CDKL3: variants seen among roughly 807,000 people sequenced by gnomAD.
The protein encoded by CDKL3 is cyclin-dependent kinase-like 3.
CDKL3 carries 65 observed loss-of-function variants against 69.3 expected under a neutral mutation model. The ratio of observed to expected loss-of-function variants is 0.94; its 90% confidence interval spans 0.77 to 1.15. CDKL3 has a LOEUF of 1.15. Among genes scored for constraint, CDKL3 ranks in the 50% most tolerant of loss-of-function variants. The pLI, the probability that CDKL3 is intolerant of heterozygous loss-of-function variation, is 0.00. For missense variants in CDKL3, 652 were observed against 689.2 expected (o/e 0.95, Z 0.61); for synonymous variants, 202 against 221.6 (o/e 0.91, Z 0.79).
rs201828047 is a variant in CDKL3 at position 134,336,228 on chromosome 5, C to CT, written c.539+14020dup. Among the ~76,000 whole-genome samples the CT allele has an allele frequency of 9.7e-3, 1,477 of 152,162 alleles. 13 individuals are homozygous for CT. Among genetic ancestry groups the CT allele is most frequent in the African/African-American group, 0.032 (1,313 of 41,494 alleles). On this transcript the variant is annotated intron_variant, in intron 4 of 12. Coordinates refer to ENST00000265334, the MANE Select transcript of CDKL3 (RefSeq NM_001113575.2). ...TATTCTAGTTAGCCATTCGTCTAAC[C>CT]TTTTTTCAAGGTTTTTAGCTTCCTG... is the stretch of plus-strand genomic sequence containing the variant.
chr5:134,362,159 A>C (rs989382564), intron 2 of CDKL3, among the ~76,000 whole-genome samples: 5 of 152,212 alleles, frequency 3.3e-5, no homozygotes, highest in Non-Finnish European at 7.3e-5. Context: ...CCATTACTAG[A>C]CAACTTTTCT....
chr5:134,369,736 A>C (rs1758147923), upstream of CDKL3, among the ~76,000 whole-genome samples: 1 of 152,006 alleles, frequency 6.6e-6, no homozygotes, highest in African/African-American at 2.4e-5. Flanking sequence ...ATGCCTGGCT[A>C]ATTTTACTTT....
At chr5:134,307,948 T>TA (rs1768328287) in intron 9 of CDKL3, 190 bp downstream of exon 9, 1 of 805,690 alleles carries the variant, frequency 1.2e-6, no homozygotes, top group African/African-American at 1.8e-5. Context: ...AACATCTATA[T>TA]GGCCAAGAAA....
rs376532976 is a variant in CDKL3 at position 134,304,549 on chromosome 5, T to C, written c.1477A>G (p.Ile493Val). The C allele has an allele frequency of 1.2e-6, 2 of 1,607,650 alleles. No homozygotes were observed. Among genetic ancestry groups the C allele is most frequent in the Non-Finnish European group, 8.5e-7 (1 of 1,177,610 alleles). ...CTGTGACCTGTTCGCTCATTAAATA[T>C]ACCCTTCTCCATTTGGCTCTAAACA... The part of the protein sequence containing the change: ...GPIQSQMEKG[I>V]FNERTGHSDQ... The change falls in exon 11 of 13, where the codon ATA becomes GTA. Residue 493 changes from isoleucine to valine, a missense_variant. Coordinates refer to ENST00000265334, the MANE Select transcript of CDKL3 (RefSeq NM_001113575.2).
chr5:134,312,415 T>A, intron 6 of CDKL3, 35 bp from the exon 7 acceptor site: 3 of 1,120,514 alleles, frequency 2.7e-6, no homozygotes, highest in Non-Finnish European at 3.9e-6. Context: ...AAGTGAGCTC[T>A]CAACAGGGCT....
intron 4 of CDKL3, among the ~76,000 whole-genome samples, chr5:134,331,917 T>C (rs1418803172): frequency 1.3e-5 from 2 of 151,798 alleles, no homozygotes; most frequent in African/African-American, 4.8e-5. Flanking sequence ...ACACTCCCAG[T>C]GTAAAAGTGT....
intron 6 of CDKL3, among the ~76,000 whole-genome samples, chr5:134,316,271 TA>T (rs956084847): frequency 2.0e-5 from 3 of 151,778 alleles, no homozygotes; most frequent in Non-Finnish European, 4.4e-5. Flanking sequence ...TAATTTCTCC[TA>T]AAAAAAATAA....
intron 2 of CDKL3, among the ~76,000 whole-genome samples, chr5:134,364,953 C>T (rs143133512): frequency 6.6e-6 from 1 of 150,426 alleles, no homozygotes; most frequent in African/African-American, 2.5e-5. Context: ...ATTACAGGGG[C>T]GCGACACTAT....
intron 8 of CDKL3, among the ~76,000 whole-genome samples, chr5:134,291,349 A>C (rs1196873912): frequency 1.3e-5 from 2 of 152,228 alleles, no homozygotes; most frequent in Non-Finnish European, 2.9e-5. Flanking sequence ...ATGTGTCTGG[A>C]TAAAATTACC....
chr5:134,360,190 G>C lies in CDKL3; in HGVS notation c.166-99C>G, dbSNP rs1755671607. 5 of 835,094 alleles carry C rather than the reference G, an allele frequency of 6.0e-6. No individual in the cohort carries two copies. In the South Asian group the frequency reaches 9.4e-5, roughly 16 times the overall value. The allele number at this position is 835,094 out of a possible 1,614,324, so 51.7% of individuals were successfully genotyped here. On this transcript the variant is annotated intron_variant, in intron 2 of 12. Coordinates refer to ENST00000265334, the MANE Select transcript of CDKL3 (RefSeq NM_001113575.2). ...TTGTAAAGAAACAGTCATATTCTTA[G>C]CTTTGTTCCATGCATTTCTTTTTTC...
chr5:134,311,895 A>C (rs1769626354), intron 7 of CDKL3, among the ~76,000 whole-genome samples: 2 of 152,120 alleles, frequency 1.3e-5, no homozygotes, highest in Admixed American at 6.6e-5. Flanking sequence ...CTGGGGTTTA[A>C]GCAATCCTCC....
chr5:134,361,818 C>T (rs1177654117), intron 2 of CDKL3, among the ~76,000 whole-genome samples: 1 of 152,144 alleles, frequency 6.6e-6, no homozygotes, highest in African/African-American at 2.4e-5. Flanking sequence ...AGAGGAGAAT[C>T]GCTTGAACCC....
chr5:134,338,758 T>C (rs1749688057), intron 4 of CDKL3, among the ~76,000 whole-genome samples: 1 of 151,790 alleles, frequency 6.6e-6, no homozygotes, highest in African/African-American at 2.4e-5. Flanking sequence ...TAGGAAATAA[T>C]CATTTAATGC....
At chr5:134,326,900 C>G (rs1401319019) in intron 4 of CDKL3, among the ~76,000 whole-genome samples, 1 of 141,134 alleles carries the variant, frequency 7.1e-6, no homozygotes, top group African/African-American at 2.6e-5. Flanking sequence ...AGTCCTGAGG[C>G]TAAGCATAAA....
At chr5:134,361,345 C>A (rs1471685006) in intron 2 of CDKL3, among the ~76,000 whole-genome samples, 2 of 151,948 alleles carry the variant, frequency 1.3e-5, no homozygotes, top group African/African-American at 4.8e-5. Context: ...CTTGGCCTCC[C>A]AAGTTGCTAG....
At chr5:134,333,613 G>A (rs1193544186) in intron 4 of CDKL3, among the ~76,000 whole-genome samples, 6 of 152,310 alleles carry the variant, frequency 3.9e-5, no homozygotes, top group East Asian at 1.9e-4. Flanking sequence ...GATGGATTAC[G>A]TTTACTGATT....
chr5:134,368,345 G>A (rs921022447), upstream of CDKL3, among the ~76,000 whole-genome samples: 3 of 152,260 alleles, frequency 2.0e-5, no homozygotes, highest in South Asian at 2.1e-4. Context: ...TCAGACGGGC[G>A]CAGTGGCTAA....
intron 6 of CDKL3, among the ~76,000 whole-genome samples, chr5:134,318,821 G>A (rs1280863035): frequency 3.9e-5 from 6 of 151,912 alleles, no homozygotes; most frequent in African/African-American, 1.2e-4. Context: ...CATTAAAATA[G>A]AGATAAATTA....
At chr5:134,308,503 C>T (rs746069659) in intron 8 of CDKL3, 37 bp from the exon 9 acceptor site, 2 of 1,559,026 alleles carry the variant, frequency 1.3e-6, no homozygotes, top group Non-Finnish European at 1.7e-6. Flanking sequence ...GTCATCATAA[C>T]AGTTATTTTT....
Sources: allele counts gnomAD v4.1 joint callset (sites outside exome capture counted in the v4.1 genomes callset), GRCh38; gene constraint gnomAD v4.1.1; transcripts MANE v1.5; gene names NCBI Gene and HGNC (gene_info 2026-07-23, HGNC 2026-07-21).